The following DPF3 variants were observed in gnomAD, a reference collection of about 807,000 sequenced individuals.
The protein encoded by DPF3 is double PHD fingers 3.
A neutral mutation model predicts 56.8 loss-of-function variants in DPF3; 18 were observed. That is an observed-to-expected ratio of 0.32 (90% CI 0.22 to 0.47). The LOEUF is 0.47. DPF3 is among the 20% of genes least tolerant of loss of function. DPF3 has a pLI of 1.00. For synonymous variants in DPF3, 188 were observed against 180.2 expected, an observed-to-expected ratio of 1.04 and a Z score of -0.35; for missense variants, 403 against 488.8, an observed-to-expected ratio of 0.82 and a Z score of 1.65.
intron 7 of DPF3, among the ~76,000 whole-genome samples, chr14:72,683,412 C>CT (rs1887253725): frequency 1.3e-5 from 2 of 150,988 alleles, no homozygotes; most frequent in Non-Finnish European, 2.9e-5. Flanking sequence ...GTGGGCTGTG[C>CT]TTTAACAAAT....
chr14:72,771,878 G>A lies in DPF3; in HGVS notation c.48C>T (p.Phe16=). 1 of 1,596,760 alleles carries A rather than the reference G, an allele frequency of 6.3e-7. No individual in the cohort carries two copies. The highest frequency in any genetic ancestry group is 1.1e-5 in the South Asian group (1 of 88,802). ...GGCAGTGCTCAATGGCTTCCTTGTA[G>A]AACTGGTCCCCGAGCCTGCCAGAGT... ...HNPLKALGDQ[F]YKEAIEHCRS... Residue 16 remains phenylalanine, a synonymous_variant, in exon 2 of 11, where the codon TTC becomes TTT. Coordinates refer to ENST00000556509, the MANE Select transcript of DPF3 (RefSeq NM_001280542.3).
chr14:72,820,439 T>C (rs1472319115), intron 1 of DPF3, among the ~76,000 whole-genome samples: 2 of 152,182 alleles, frequency 1.3e-5, no homozygotes, highest in African/African-American at 4.8e-5. Flanking sequence ...TTTGTTTTTG[T>C]TTTTTGCTTT....
intron 8 of DPF3, among the ~76,000 whole-genome samples, chr14:72,644,348 T>C (rs1311433341): frequency 1.3e-5 from 2 of 152,224 alleles, no homozygotes; most frequent in Non-Finnish European, 2.9e-5. Context: ...TAGATCTGTT[T>C]CCATCGGCCA....
At chr14:72,893,021 A>AGGAAGGCAGGCAGGCAGGC (rs1567273900) in intron 1 of DPF3, among the ~76,000 whole-genome samples, 7 of 135,454 alleles carry the variant, frequency 5.2e-5, no homozygotes, top group African/African-American at 1.3e-4. Flanking sequence ...GGAAGGAAGG[A>AGGAAGGCAGGCAGGCAGGC]AGGATGAAAA....
At chr14:72,728,003 C>T (rs1049016591) in intron 4 of DPF3, among the ~76,000 whole-genome samples, 8 of 152,084 alleles carry the variant, frequency 5.3e-5, no homozygotes, top group African/African-American at 7.2e-5. Context: ...GACATGATGA[C>T]GACAATACAG....
chr14:72,726,294 T>C (rs968457470), intron 4 of DPF3, among the ~76,000 whole-genome samples: 2 of 152,216 alleles, frequency 1.3e-5, no homozygotes, highest in Non-Finnish European at 1.5e-5. Flanking sequence ...GGCATCTCAG[T>C]ACAACTCCGA....
At chr14:72,671,253 T>A (rs376887326) in intron 8 of DPF3, 3 of 1,613,882 alleles carry the variant, frequency 1.9e-6, no homozygotes, top group Non-Finnish European at 2.5e-6. Context: ...ACGTGTCACT[T>A]TCTGACGTGG....
intron 5 of DPF3, among the ~76,000 whole-genome samples, chr14:72,716,356 C>T (rs1409068381): frequency 6.6e-6 from 1 of 152,066 alleles, no homozygotes; most frequent in African/African-American, 2.4e-5. Context: ...TAGGGCACTT[C>T]AGGGGACATG....
chr14:72,684,620 A>AT (rs1056428690), intron 7 of DPF3, among the ~76,000 whole-genome samples: 68 of 151,560 alleles, frequency 4.5e-4, no homozygotes, highest in Non-Finnish European at 4.9e-4. Context: ...ATGATGTGTG[A>AT]TTTTTTTTTC....
chr14:72,856,057 C>G (rs1276577288), intron 1 of DPF3, among the ~76,000 whole-genome samples: 1 of 152,242 alleles, frequency 6.6e-6, no homozygotes, highest in Non-Finnish European at 1.5e-5. Flanking sequence ...TTAAACATTT[C>G]TGTGGCCTGG....
rs183966553 is a variant in DPF3 at position 72,767,865 on chromosome 14, G to C, written c.193+3868C>G. ...CTATGGCAAAACACATCAAAATCACGTTTCTGAAACTAAAAACAAAGAAAA... is the reference window on the plus strand; with the variant it reads ...CTATGGCAAAACACATCAAAATCACCTTTCTGAAACTAAAAACAAAGAAAA... On this transcript the variant is annotated intron_variant, in intron 2 of 10. Transcript: ENST00000556509. Among the ~76,000 whole-genome samples, 72 of 150,378 alleles carry C rather than the reference G, an allele frequency of 4.8e-4. 1 individual carries two copies. The East Asian group carries it at 0.01, about 21-fold the overall frequency.
chr14:72,667,655 G>A (rs1886496205), intron 8 of DPF3, among the ~76,000 whole-genome samples: 1 of 152,198 alleles, frequency 6.6e-6, no homozygotes, highest in South Asian at 2.1e-4. Flanking sequence ...GTCTAGAAGT[G>A]ATGATTAAGA....
At chr14:72,728,000 TGAC>T (rs1889477896) in intron 4 of DPF3, among the ~76,000 whole-genome samples, 1 of 152,186 alleles carries the variant, frequency 6.6e-6, no homozygotes, top group East Asian at 1.9e-4. Context: ...GGTGACATGA[TGAC>T]GACAATACAG....
chr14:72,753,302 G>T lies in DPF3; in HGVS notation c.263C>A (p.Pro88His). ...CAGCAGCCGCAGTTTTGGATCTTCA[G>T]GTGGGTGCAATCGTCTCTTCTTGCG... The part of the protein sequence containing the change: ...CWRKKRRLHP[P>H]EDPKLRLLEI... The change falls in exon 3 of 11, where the codon CCT becomes CAT. Residue 88 changes from proline to histidine, a missense_variant. This residue lies in a region of DPF3 where 340 missense variants were observed against 374.3 expected (regional missense o/e 0.91). Transcript: ENST00000556509. 6.2e-7 allele frequency: 1 copy of T among 1,613,764 alleles called. No homozygotes were observed. The highest frequency in any genetic ancestry group is 8.5e-7 in the Non-Finnish European group (1 of 1,179,854).
rs1567175399 is a variant in DPF3, at chr14:72,614,733, AAAT to A, written c.*4561_*4563del. Among the ~76,000 whole-genome samples, 1 of 150,120 alleles carries A rather than the reference AAAT, an allele frequency of 6.7e-6. No individual in the cohort carries two copies. The highest frequency in any genetic ancestry group is 1.5e-5 in the Non-Finnish European group (1 of 67,642). ...TGGGCAGAGGTTTGGCCTTTTTACA[AAAT>A]AATAATAATAATAATCTGTTGCCCA... On this transcript the variant is annotated 3_prime_UTR_variant, in exon 11 of 11. Transcript: ENST00000556509.
At chr14:72,669,343 G>C (rs1253181279) in intron 8 of DPF3, among the ~76,000 whole-genome samples, 1 of 152,186 alleles carries the variant, frequency 6.6e-6, no homozygotes, top group Non-Finnish European at 1.5e-5. Context: ...ATGTCAAATG[G>C]TTCTGCCTGT....
chr14:72,671,240 T>G, intron 8 of DPF3: 3 of 1,613,954 alleles, frequency 1.9e-6, no homozygotes, highest in Non-Finnish European at 2.5e-6. Context: ...CCGTGGAAAG[T>G]TGACGTGTCA....
At chr14:72,824,551 C>CTTTTTTTTTTT (rs375498304) in intron 1 of DPF3, among the ~76,000 whole-genome samples, 14 of 143,270 alleles carry the variant, frequency 9.8e-5, no homozygotes, top group South Asian at 2.2e-4. Context: ...TTTTCTTTTT[C>CTTTTTTTTTTT]TTTTTTTTTT....
intron 1 of DPF3, among the ~76,000 whole-genome samples, chr14:72,879,306 C>T (rs957631097): frequency 2.0e-5 from 3 of 151,882 alleles, no homozygotes; most frequent in Admixed American, 6.6e-5. Context: ...TCGCTTGAAC[C>T]CAGGAGGTGG....
Sources: allele counts gnomAD v4.1 joint callset (sites outside exome capture counted in the v4.1 genomes callset), GRCh38; gene constraint gnomAD v4.1.1; regional missense constraint gnomAD v4.1.1; transcripts MANE v1.5; gene names NCBI Gene and HGNC (gene_info 2026-07-23, HGNC 2026-07-21).